Variants in ALDH1A2 observed in about 807,000 individuals in gnomAD.
ALDH1A2 encodes the protein retinal dehydrogenase 2.
A neutral mutation model predicts 60.3 loss-of-function variants in ALDH1A2; 27 were observed. That is an observed-to-expected ratio of 0.45 (90% confidence interval 0.33 to 0.62). The LOEUF (loss-of-function observed/expected upper bound fraction) is 0.62. ALDH1A2 is among the 20% of genes least tolerant of loss of function. ALDH1A2 has a pLI of 0.02. For synonymous variants in ALDH1A2, 289 were observed against 232.4 expected (o/e 1.24, Z -2.21); for missense variants, 581 against 643.8 (o/e 0.90, Z 1.06).
Position 57,955,093 on chromosome 15 carries a change from G to A in ALDH1A2, c.*104C>T. The A allele has an allele frequency of 8.1e-7, 1 of 1,229,234 alleles. No homozygotes were observed. Among genetic ancestry groups the A allele is most frequent in the Non-Finnish European group, 1.2e-6 (1 of 828,984 alleles). The allele number at this position is 1,229,234 out of a possible 1,614,324, so 76.1% of individuals were successfully genotyped here. ...TACATGTTATCTTTTCAATCTTTAA[G>A]TAAGGACCGTGGCTCAACTTTGTAT... On this transcript the variant is annotated 3_prime_UTR_variant, in exon 13 of 13. Coordinates refer to ENST00000249750, the MANE Select transcript of ALDH1A2 (RefSeq NM_003888.4).
At chr15:58,063,146 A>G (rs913276079) in intron 1 of ALDH1A2, among the ~76,000 whole-genome samples, 1 of 152,238 alleles carries the variant, frequency 6.6e-6, no homozygotes, top group Non-Finnish European at 1.5e-5. Flanking sequence ...TATTTTAAGT[A>G]GTGACTCTAT....
At chr15:58,034,859 T>C (rs1333647322) in intron 1 of ALDH1A2, among the ~76,000 whole-genome samples, 1 of 151,716 alleles carries the variant, frequency 6.6e-6, no homozygotes, top group South Asian at 2.1e-4. Context: ...TATACATTGG[T>C]GGACTCAATT....
intron 7 of ALDH1A2, chr15:57,980,035 G>A (rs560256386): frequency 1.5e-5 from 5 of 324,220 alleles, no homozygotes; most frequent in South Asian, 3.4e-5. Flanking sequence ...GCCAATGATC[G>A]AGTGGTCCAT....
chr15:57,992,891 T>G lies in ALDH1A2; in HGVS notation c.684+54A>C, dbSNP rs923195051. ...TCATGTTAAATGAGATATGCTCTAG[T>G]AGGCTCCAGCTGTAAGGGGAGTCAG... On this transcript the variant is annotated intron_variant, in intron 6 of 12. Transcript: ENST00000249750. 5.6e-6 allele frequency: 9 copies of G among 1,613,572 alleles called. No homozygotes were observed. In the Admixed American group the frequency reaches 1.0e-4, roughly 18 times the overall value.
At chr15:58,011,313 C>A (rs1001836621) in intron 3 of ALDH1A2, among the ~76,000 whole-genome samples, 2 of 152,188 alleles carry the variant, frequency 1.3e-5, no homozygotes, top group Admixed American at 6.5e-5. Flanking sequence ...CAGATGTTAA[C>A]AACTTAAAGG....
At chr15:58,042,701 T>C (rs1296227940) in intron 1 of ALDH1A2, among the ~76,000 whole-genome samples, 1 of 151,978 alleles carries the variant, frequency 6.6e-6, no homozygotes, top group Non-Finnish European at 1.5e-5. Flanking sequence ...CAAATAGTTT[T>C]CATCCAGAAC....
At chr15:58,009,640 A>C (rs4775011) in intron 4 of ALDH1A2, among the ~76,000 whole-genome samples, 150,997 of 151,076 alleles carry the variant, frequency 1, 75,459 homozygotes, top group Non-Finnish European at 1. Context: ...TTCACCACTT[A>C]CTATCTCTTT....
intron 4 of ALDH1A2, among the ~76,000 whole-genome samples, chr15:58,007,733 T>C (rs547673751): frequency 6.6e-6 from 1 of 151,940 alleles, no homozygotes; most frequent in Non-Finnish European, 1.5e-5. Flanking sequence ...GGAAAATGCA[T>C]TTAGCACAAT....
At chr15:57,982,544 T>A (rs535141372) in intron 7 of ALDH1A2, among the ~76,000 whole-genome samples, 2 of 152,298 alleles carry the variant, frequency 1.3e-5, no homozygotes, top group Admixed American at 6.5e-5. Context: ...TGAAGAGAAA[T>A]TAACTCAGGC....
chr15:58,057,367 C>A (rs1896921897), intron 1 of ALDH1A2, among the ~76,000 whole-genome samples: 1 of 151,646 alleles, frequency 6.6e-6, no homozygotes, highest in Non-Finnish European at 1.5e-5. Flanking sequence ...AAAGATGTTA[C>A]CACGCAAAAC....
chr15:58,029,800 A>G lies in ALDH1A2; in HGVS notation c.118-15519T>C, dbSNP rs1054891269. Reference sequence around the variant, plus strand: ...CTAGAAAATCTAGAAGAAATGGATAAATTCCTGGACACATACACCCTCCCA... The same window carrying G: ...CTAGAAAATCTAGAAGAAATGGATAGATTCCTGGACACATACACCCTCCCA... On this transcript the variant is annotated intron_variant, in intron 1 of 12. Transcript: ENST00000249750. Among the ~76,000 whole-genome samples, 5 of 152,192 alleles carry G rather than the reference A, an allele frequency of 3.3e-5. No individual in the cohort carries two copies. In the East Asian group the frequency reaches 9.6e-4, roughly 29 times the overall value.
chr15:58,021,501 T>C (rs976260785), intron 1 of ALDH1A2, among the ~76,000 whole-genome samples: 3 of 152,096 alleles, frequency 2.0e-5, no homozygotes, highest in African/African-American at 7.2e-5. Flanking sequence ...ATTGTGCAAT[T>C]CTGGCCACTT....
Position 57,992,935 on chromosome 15 carries a change from T to G in ALDH1A2, c.684+10A>C. Reference sequence around the variant, plus strand: ...GAGTCAGAAGCACTCCCGAAGTCCGTTTCTCTTACCTCCTTGATGAGGGCT... The same window carrying G: ...GAGTCAGAAGCACTCCCGAAGTCCGGTTCTCTTACCTCCTTGATGAGGGCT... On this transcript the variant is annotated intron_variant, in intron 6 of 12. Coordinates refer to ENST00000249750, the MANE Select transcript of ALDH1A2 (RefSeq NM_003888.4). The G allele has an allele frequency of 6.2e-7, 1 of 1,614,044 alleles. No homozygotes were observed. The highest frequency in any genetic ancestry group is 8.5e-7 in the Non-Finnish European group (1 of 1,179,952).
At chr15:58,048,352 T>A (rs1260151154) in intron 1 of ALDH1A2, among the ~76,000 whole-genome samples, 1 of 152,014 alleles carries the variant, frequency 6.6e-6, no homozygotes, top group East Asian at 1.9e-4. Context: ...CTTAGGACAT[T>A]AACAGTTAGG....
intron 1 of ALDH1A2, 111 bp from the exon 2 acceptor site, chr15:58,014,392 T>C (rs1895730523): frequency 3.4e-6 from 3 of 877,024 alleles, no homozygotes; most frequent in Middle Eastern, 2.1e-4. Context: ...ATAATAAAAG[T>C]ATACAATTTG....
At position 57,996,453 on chromosome 15, in the gene ALDH1A2, T is replaced by C. The variant is rs576769408; in HGVS notation, c.494-1314A>G. On this transcript the variant is annotated intron_variant, in intron 4 of 12. Coordinates refer to ENST00000249750, the MANE Select transcript of ALDH1A2 (RefSeq NM_003888.4). Reference sequence around the variant, plus strand: ...TTATAGGATCCTTTTATCCTCTTTTTTTTTATACAAACGGGATATTATTCA... The same window carrying C: ...TTATAGGATCCTTTTATCCTCTTTTCTTTTATACAAACGGGATATTATTCA... Among the ~76,000 whole-genome samples the C allele has an allele frequency of 4.1e-3, 622 of 151,904 alleles. 3 individuals carry two copies. Among genetic ancestry groups the C allele is most frequent in the Non-Finnish European group, 7.4e-3 (505 of 67,890 alleles).
chr15:57,983,593 TCTC>T (rs1437780441), intron 7 of ALDH1A2, among the ~76,000 whole-genome samples: 1 of 152,202 alleles, frequency 6.6e-6, no homozygotes, highest in Non-Finnish European at 1.5e-5. Context: ...TGATGACACT[TCTC>T]CTAGATACAG....
intron 7 of ALDH1A2, among the ~76,000 whole-genome samples, chr15:57,972,885 T>C (rs4646611): frequency 0.38 from 57,412 of 151,546 alleles, 11,354 homozygotes; most frequent in Non-Finnish European, 0.45. Flanking sequence ...CCACCTCCCC[T>C]AACCTAAAAT....
chr15:57,979,168 C>A (rs1462633814), intron 7 of ALDH1A2, among the ~76,000 whole-genome samples: 3 of 152,190 alleles, frequency 2.0e-5, no homozygotes, highest in African/African-American at 7.2e-5. Context: ...GCCTGAGGGT[C>A]CTAGGGAAAT....
Sources: allele counts gnomAD v4.1 joint callset (sites outside exome capture counted in the v4.1 genomes callset), GRCh38; gene constraint gnomAD v4.1.1; transcripts MANE v1.5; gene names NCBI Gene and HGNC (gene_info 2026-07-23, HGNC 2026-07-21).